The following OXR1 variants were observed in gnomAD, a reference collection of about 807,000 sequenced individuals.
OXR1 encodes oxidation resistance protein 1.
In OXR1, 41 loss-of-function variants were observed where a neutral mutation model predicts 104.6. That is an observed-to-expected ratio of 0.39 (90% CI 0.31 to 0.51). OXR1 has a LOEUF of 0.51. OXR1 is among the 20% of genes least tolerant of loss of function. OXR1 has a pLI of 0.77. For synonymous variants in OXR1, 348 were observed against 348.4 expected (o/e 1.00, Z 0.01); for missense variants, 955 against 1,031.9 (o/e 0.93, Z 1.02).
chr8:106,626,980 T>C (rs1031813496), intron 3 of OXR1, among the ~76,000 whole-genome samples: 10 of 152,100 alleles, frequency 6.6e-5, no homozygotes, highest in Middle Eastern at 3.2e-3. Flanking sequence ...TCCTCTATTA[T>C]GTTTCGATGC....
intron 3 of OXR1, among the ~76,000 whole-genome samples, chr8:106,622,481 ACACACC>A (rs879256075): frequency 0.045 from 6,753 of 149,468 alleles, 181 homozygotes; most frequent in South Asian, 0.079. Flanking sequence ...ACACACACAC[ACACACC>A]CCTTACTTCA....
chr8:106,411,065 CAA>C (rs1340501622), intron 2 of OXR1, among the ~76,000 whole-genome samples: 1 of 147,066 alleles, frequency 6.8e-6, no homozygotes, highest in Admixed American at 6.8e-5. Flanking sequence ...ATTACATAAA[CAA>C]GTGTCTAATT....
intron 3 of OXR1, among the ~76,000 whole-genome samples, chr8:106,552,298 A>C (rs1052861690): frequency 6.6e-6 from 1 of 152,010 alleles, no homozygotes; most frequent in African/African-American, 2.4e-5. Context: ...TGCAGCTGAG[A>C]TGAGAAACCA....
At chr8:106,470,124 A>C (rs1188247731) in intron 2 of OXR1, among the ~76,000 whole-genome samples, 1 of 151,790 alleles carries the variant, frequency 6.6e-6, no homozygotes, top group African/African-American at 2.4e-5. Flanking sequence ...AGTTGGAGGA[A>C]GTATCTCGTG....
chr8:106,719,067 A>C (rs1256961361), intron 11 of OXR1, among the ~76,000 whole-genome samples: 7 of 152,228 alleles, frequency 4.6e-5, no homozygotes, highest in African/African-American at 1.7e-4. Context: ...GGAACTACTT[A>C]TTACAGTCTT....
intron 3 of OXR1, among the ~76,000 whole-genome samples, chr8:106,677,014 G>A (rs557183245): frequency 6.6e-6 from 1 of 152,028 alleles, no homozygotes; most frequent in South Asian, 2.1e-4. Flanking sequence ...TTGCAAACTT[G>A]CAAACATGTT....
chr8:106,362,440 A>G (rs928556765), intron 2 of OXR1, among the ~76,000 whole-genome samples: 2 of 152,206 alleles, frequency 1.3e-5, no homozygotes, highest in African/African-American at 4.8e-5. Flanking sequence ...AATACCCTGT[A>G]TAAGAAAGTT....
At chr8:106,280,175 A>G (rs186055289) in intron 1 of OXR1, among the ~76,000 whole-genome samples, 1 of 152,342 alleles carries the variant, frequency 6.6e-6, no homozygotes, top group Admixed American at 6.5e-5. Flanking sequence ...GTGATCATGA[A>G]TTACTAGAAA....
In OXR1 at chr8:106,662,984, C is replaced by T. The variant is rs117819305; in HGVS notation, c.221-16226C>T. Among the ~76,000 whole-genome samples, 246 of 152,214 alleles carry T rather than the reference C, an allele frequency of 1.6e-3. 4 individuals are homozygous for T. The East Asian group carries it at 0.044, about 27-fold the overall frequency. ...CTACATGATGCTCAAAGGAAATGCT[C>T]TTTGGAGCATTTTGGATGTTTGGAT... is the stretch of plus-strand genomic sequence containing the variant. On this transcript the variant is annotated intron_variant, in intron 3 of 16. Transcript: ENST00000517566.
chr8:106,580,604 A>G (rs1818159053), intron 3 of OXR1, among the ~76,000 whole-genome samples: 1 of 152,148 alleles, frequency 6.6e-6, no homozygotes, highest in Non-Finnish European at 1.5e-5. Context: ...AGATTATCGG[A>G]TCCTATGGTA....
chr8:106,462,020 G>A (rs1820942733), intron 2 of OXR1, among the ~76,000 whole-genome samples: 1 of 152,104 alleles, frequency 6.6e-6, no homozygotes, highest in Non-Finnish European at 1.5e-5. Flanking sequence ...TTTAATTTTA[G>A]TCATTTGTAT....
chr8:106,434,142 T>TA (rs11287633), intron 2 of OXR1, among the ~76,000 whole-genome samples: 5 of 151,742 alleles, frequency 3.3e-5, no homozygotes, highest in Admixed American at 6.6e-5. Flanking sequence ...TATTTTCTCC[T>TA]AAAAAAAACT....
chr8:106,652,792 A>G (rs1017777934), intron 3 of OXR1, among the ~76,000 whole-genome samples: 2 of 151,934 alleles, frequency 1.3e-5, no homozygotes, highest in East Asian at 1.9e-4. Flanking sequence ...TTAATGGAAT[A>G]GGAAATAGAA....
intron 3 of OXR1, among the ~76,000 whole-genome samples, chr8:106,601,794 T>A (rs1270800274): frequency 6.6e-6 from 1 of 152,186 alleles, no homozygotes; most frequent in African/African-American, 2.4e-5. Flanking sequence ...GGTGAAAGGA[T>A]TTTTTAGAAA....
rs565549811 is a variant in OXR1, at chr8:106,473,420, C to A, written c.24-45523C>A. On this transcript the variant is annotated intron_variant, in intron 2 of 16. Transcript: ENST00000517566. ...TGTGTTTTGTTTAGGCAGAAAATGC[C>A]CTCATTAAGTACCTCATGTTTTCGT... 4.0e-5 allele frequency among the ~76,000 whole-genome samples: 6 copies of A among 151,838 alleles called. No homozygotes were observed. The East Asian group carries it at 9.8e-4, about 25-fold the overall frequency.
At chr8:106,337,294 A>C (rs1815007151) in intron 1 of OXR1, among the ~76,000 whole-genome samples, 1 of 152,214 alleles carries the variant, frequency 6.6e-6, no homozygotes, top group Non-Finnish European at 1.5e-5. Context: ...ACTAAAATTA[A>C]AAATTGGAAG....
intron 3 of OXR1, among the ~76,000 whole-genome samples, chr8:106,584,333 G>C (rs148956822): frequency 1.8e-3 from 269 of 151,832 alleles, no homozygotes; most frequent in Non-Finnish European, 3.3e-3. Context: ...TTCGGGGGAG[G>C]GGGGAGAAAA....
chr8:106,565,158 A>G (rs985126321), intron 3 of OXR1, among the ~76,000 whole-genome samples: 2 of 152,008 alleles, frequency 1.3e-5, no homozygotes, highest in African/African-American at 4.8e-5. Context: ...AAGAAAGGGT[A>G]TACAAATAGG....
intron 3 of OXR1, among the ~76,000 whole-genome samples, chr8:106,665,786 C>T (rs951279693): frequency 6.6e-6 from 1 of 151,978 alleles, no homozygotes; most frequent in Non-Finnish European, 1.5e-5. Context: ...GTTTTAGGGT[C>T]AAATACATAC....
Sources: allele counts gnomAD v4.1 joint callset (sites outside exome capture counted in the v4.1 genomes callset), GRCh38; gene constraint gnomAD v4.1.1; transcripts MANE v1.5; gene names NCBI Gene and HGNC (gene_info 2026-07-23, HGNC 2026-07-21).